Variants in RINT1 observed in about 807,000 individuals in gnomAD.
The protein encoded by RINT1 is RAD50 interactor 1.
A neutral mutation model predicts 97.7 loss-of-function variants in RINT1; 75 were observed. The observed-to-expected ratio is 0.77, with a 90% confidence interval of 0.64 to 0.93. The LOEUF (loss-of-function observed/expected upper bound fraction) is 0.93. Ranked by LOEUF, RINT1 falls within the 40% of genes least tolerant of loss-of-function variation. The pLI is 0.00. For missense variants in RINT1, 892 were observed against 925.2 expected, an observed-to-expected ratio of 0.96 and a Z score of 0.47; for synonymous variants, 303 against 326.3, an observed-to-expected ratio of 0.93 and a Z score of 0.77.
At position 105,563,964 on chromosome 7, in the gene RINT1, A is replaced by G; in HGVS notation, c.1886+17A>G. ...AAAAGAAAGGTATGTCCTCTATGTA[A>G]GTCAGCTCTTAACACCAGTTTGGTA... On this transcript the variant is annotated intron_variant, in intron 12 of 14. Coordinates refer to ENST00000257700, the MANE Select transcript of RINT1 (RefSeq NM_021930.6). The G allele has an allele frequency of 6.4e-7, 1 of 1,574,186 alleles. No individual in the cohort carries two copies. The highest frequency in any genetic ancestry group is 8.7e-7 in the Non-Finnish European group (1 of 1,145,128).
chr7:105,564,323 G>A (rs1042890173), intron 12 of RINT1, among the ~76,000 whole-genome samples: 6 of 152,144 alleles, frequency 3.9e-5, no homozygotes, highest in African/African-American at 9.7e-5. Context: ...CTGACCTCAG[G>A]CAAGCCACCT....
rs555359991 is a variant in RINT1 at position 105,567,090 on chromosome 7, C to T, written c.2187-29C>T. ...TAATTGATGCAGATAATGGAGATCT[C>T]ATTTCCCTCCTTTGTTTTCCCTAAA... On this transcript the variant is annotated intron_variant, in intron 14 of 14. Coordinates refer to ENST00000257700, the MANE Select transcript of RINT1 (RefSeq NM_021930.6). 1.5e-5 allele frequency: 21 copies of T among 1,412,270 alleles called. No homozygotes were observed. In the East Asian group the frequency reaches 5.2e-4, roughly 35 times the overall value. The allele number at this position is 1,412,270 out of a possible 1,614,324, so 87.5% of individuals were successfully genotyped here. A position where few individuals can be genotyped will look rare whatever the true frequency, so the allele number is the denominator to read the frequency against.
intron 11 of RINT1, among the ~76,000 whole-genome samples, chr7:105,562,336 T>A (rs551445959): frequency 1.1e-4 from 17 of 152,290 alleles, no homozygotes; most frequent in Admixed American, 9.2e-4. Flanking sequence ...CTGCAACCTC[T>A]GCCTCCTGGG....
chr7:105,561,978 T>C (rs999941561), intron 11 of RINT1, among the ~76,000 whole-genome samples: 1 of 152,202 alleles, frequency 6.6e-6, no homozygotes, highest in African/African-American at 2.4e-5. Flanking sequence ...AAACTGTATA[T>C]ATTGAAAATA....
intron 3 of RINT1, among the ~76,000 whole-genome samples, chr7:105,538,555 T>G (rs1299734446): frequency 6.6e-6 from 1 of 152,218 alleles, no homozygotes; most frequent in Non-Finnish European, 1.5e-5. Flanking sequence ...ATGTGTGTGG[T>G]CTGCCACCCT....
rs776404650 is a variant in RINT1, at chr7:105,547,181, C to A, written c.690-3C>A. 6.2e-7 allele frequency: 1 copy of A among 1,614,076 alleles called. No individual in the cohort carries two copies. Among genetic ancestry groups the A allele is most frequent in the South Asian group, 1.1e-5 (1 of 91,074 alleles). The stretch of plus-strand genomic sequence containing the variant: ...AAATGTATGTGTTACTTTTCCATTG[C>A]AGTGATTTTGAGGAAATTTTAGCAC... On this transcript the variant is annotated splice_polypyrimidine_tract_variant and splice_region_variant and intron_variant, in intron 5 of 14. Transcript: ENST00000257700.
rs779820729 is a variant in RINT1, at chr7:105,567,126, G to C, written c.2194G>C (p.Glu732Gln). The change falls in exon 15 of 15, where the codon GAA (glutamate) becomes CAA (glutamine). Residue 732 changes from glutamate (E) to glutamine (Q), a missense_variant. By Grantham distance (29) the Glu-to-Gln change is conservative (BLOSUM62 2). Coordinates refer to ENST00000257700, the MANE Select transcript of RINT1 (RefSeq NM_021930.6). ...RPENYFKHIK[E>Q]ACIVLNLNVG... is the part of the protein sequence containing the mutation. ...TTTGTTTTCCCTAAACAGTATAAAA[G>C]AAGCCTGTATTGTTTTGAATTTGAA... 1 of 1,558,392 alleles carries C rather than the reference G, an allele frequency of 6.4e-7. No individual in the cohort carries two copies. Among genetic ancestry groups the C allele is most frequent in the Non-Finnish European group, 8.6e-7 (1 of 1,157,694 alleles).
At chr7:105,546,725 AT>A (rs1253088789) in intron 4 of RINT1, among the ~76,000 whole-genome samples, 184 bp from the exon 5 acceptor site, 1 of 151,996 alleles carries the variant, frequency 6.6e-6, no homozygotes, top group African/African-American at 2.4e-5. Flanking sequence ...AATACAAAAA[AT>A]TTAGCCAGGC....
chr7:105,540,101 T>C (rs1790397438), intron 3 of RINT1, among the ~76,000 whole-genome samples: 1 of 149,612 alleles, frequency 6.7e-6, no homozygotes, highest in Non-Finnish European at 1.5e-5. Flanking sequence ...TTTTTTGAGA[T>C]GGAGTCTTCC....
chr7:105,553,591 G>T (rs1414452767), intron 10 of RINT1, among the ~76,000 whole-genome samples: 1 of 150,108 alleles, frequency 6.7e-6, no homozygotes, highest in Non-Finnish European at 1.5e-5. Context: ...CATGGTGGCG[G>T]CTCTACTAGA....
rs1421926944 is a variant in RINT1, at chr7:105,533,645, C to T, written c.88+776C>T. On this transcript the variant is annotated intron_variant, in intron 2 of 14. Transcript: ENST00000257700. The stretch of plus-strand genomic sequence containing the variant: ...CATGGCCCTTAGGAGTAAGATTTGC[C>T]CTTAACATTAGCGGCTGATAGAATC... Among the ~76,000 whole-genome samples the T allele has an allele frequency of 2.0e-5, 3 of 152,238 alleles. No homozygotes were observed. In the East Asian group the frequency reaches 5.8e-4, roughly 29 times the overall value.
chr7:105,558,006 C>CAGTT (rs1220268514), intron 11 of RINT1, among the ~76,000 whole-genome samples: 2 of 152,018 alleles, frequency 1.3e-5, no homozygotes, highest in African/African-American at 4.8e-5. Context: ...GGGTAATGAT[C>CAGTT]AGTTTGTTTA....
chr7:105,562,303 T>C (rs770030941), intron 11 of RINT1, among the ~76,000 whole-genome samples: 1 of 152,320 alleles, frequency 6.6e-6, no homozygotes, highest in Admixed American at 6.5e-5. Context: ...CAGGCTGCAG[T>C]GCAGTGGCAC....
chr7:105,554,906 A>T lies in RINT1; in HGVS notation c.1472-122A>T, dbSNP rs973851889. ...CTTAAGAGAGCTCAGAAATAAATCC[A>T]TTCTTGACTACTGGTCAATTGATTT... On this transcript the variant is annotated intron_variant, in intron 10 of 14. Transcript: ENST00000257700. The T allele has an allele frequency of 1.4e-4, 98 of 719,652 alleles. 1 individual carries two copies. In the East Asian group the frequency reaches 2.5e-3, roughly 19 times the overall value. 44.6% of individuals were successfully genotyped at this position (719,652 alleles called of 1,614,324 possible).
At chr7:105,547,144 G>C (rs1166824463) in intron 5 of RINT1, 40 bp from the exon 6 acceptor site, 11 of 1,613,694 alleles carry the variant, frequency 6.8e-6, no homozygotes, top group Non-Finnish European at 9.3e-6. Flanking sequence ...GTGATCATTT[G>C]GTGATGTACT....
intron 12 of RINT1, among the ~76,000 whole-genome samples, chr7:105,564,664 T>C (rs1042469709): frequency 6.6e-6 from 1 of 152,210 alleles, no homozygotes; most frequent in Non-Finnish European, 1.5e-5. Context: ...GTCCTGTTTT[T>C]ACTAAAAATT....
intron 11 of RINT1, among the ~76,000 whole-genome samples, chr7:105,559,369 C>T (rs1406639400): frequency 2.0e-5 from 3 of 151,868 alleles, no homozygotes; most frequent in Non-Finnish European, 4.4e-5. Flanking sequence ...GGTGAAACCC[C>T]ATCTCTACTA....
rs377454711 is a variant in RINT1, at chr7:105,551,669, G to T, written c.1433G>T (p.Cys478Phe). ...GTGGATGAAATGAAAGTTCCAGATT[G>T]TGCAGAAACTTTTATGACTCTACTC... ...TDVDEMKVPD[C>F]AETFMTLLLV... The change falls in exon 10 of 15, where the codon TGT becomes TTT. Residue 478 changes from cysteine to phenylalanine, a missense_variant. Transcript: ENST00000257700. The T allele has an allele frequency of 1.2e-5, 20 of 1,611,488 alleles. No homozygotes were observed. The Admixed American group carries it at 1.7e-4, about 14-fold the overall frequency.
intron 12 of RINT1, among the ~76,000 whole-genome samples, chr7:105,564,932 C>G (rs778838918): frequency 2.6e-5 from 4 of 151,968 alleles, no homozygotes; most frequent in Non-Finnish European, 5.9e-5. Flanking sequence ...CCCTGTGGCT[C>G]TAGCCTGGCC....
Sources: gnomAD v4.1 joint callset for allele counts (sites outside exome capture counted in the v4.1 genomes callset) on GRCh38, gnomAD v4.1.1 for gene constraint, MANE v1.5 for transcripts, NCBI Gene and HGNC (gene_info 2026-07-23, HGNC 2026-07-21) for gene names.